The following DMD variants were observed in gnomAD, a reference collection of about 807,000 sequenced individuals.
DMD encodes dystrophin, also known as mutant dystrophin.
A neutral mutation model predicts 330.1 loss-of-function variants in DMD; 63 were observed. That is an observed-to-expected ratio of 0.19 (90% CI 0.16 to 0.24). The LOEUF (loss-of-function observed/expected upper bound fraction) is 0.24, where lower values mean the gene tolerates loss of function less well. Among genes scored for constraint, DMD ranks in the 10% least tolerant of loss-of-function variants. DMD has a pLI of 1.00. For missense variants in DMD, 3,344 were observed against 2,684.1 expected (o/e 1.25, Z -5.43); for synonymous variants, 1,223 against 959.8 (o/e 1.27, Z -5.07).
chrX:31,427,689 G>A (rs2063791519), intron 60 of DMD, among the ~76,000 whole-genome samples: 1 of 111,749 alleles, frequency 8.9e-6, no homozygotes, highest in African/African-American at 3.3e-5. Context: ...ATCCCAGCTT[G>A]AGTGGTAGAG....
At chrX:31,677,936 G>A (rs1469859554) in intron 53 of DMD, among the ~76,000 whole-genome samples, 1 of 111,919 alleles carries the variant, frequency 8.9e-6, no homozygotes, top group Non-Finnish European at 1.9e-5. Context: ...TTCCAGGCCT[G>A]GCCATAAAAC....
At chrX:32,546,930 C>A (rs973429558) in intron 16 of DMD, among the ~76,000 whole-genome samples, 3 of 111,708 alleles carry the variant, frequency 2.7e-5, no homozygotes, top group African/African-American at 9.7e-5. Flanking sequence ...TATTTCTAGT[C>A]AAAAAGAAAA....
chrX:32,903,802 G>A (rs1047390597), intron 2 of DMD, among the ~76,000 whole-genome samples: 26 of 111,620 alleles, frequency 2.3e-4, no homozygotes, highest in East Asian at 1.7e-3. Context: ...GTGAAGCCAG[G>A]TAGTAAGGAT....
chrX:32,565,243 TAAA>T (rs1417069450), intron 16 of DMD, among the ~76,000 whole-genome samples: 1 of 111,675 alleles, frequency 9.0e-6, no homozygotes, highest in South Asian at 3.7e-4. Flanking sequence ...ACTACACTAA[TAAA>T]AAACTTTCCA....
At chrX:32,390,999 T>G (rs2097998048) in intron 30 of DMD, among the ~76,000 whole-genome samples, 1 of 112,141 alleles carries the variant, frequency 8.9e-6, no homozygotes, top group Non-Finnish European at 1.9e-5. Context: ...ATTTCAATAT[T>G]TATATATTCA....
intron 47 of DMD, among the ~76,000 whole-genome samples, chrX:31,900,931 T>C (rs1346760335): frequency 9.0e-6 from 1 of 111,653 alleles, no homozygotes; most frequent in Non-Finnish European, 1.9e-5. Context: ...TTCTTAAAAA[T>C]GAGTCCCTCC....
At chrX:31,861,687 C>T (rs1416764423) in intron 48 of DMD, among the ~76,000 whole-genome samples, 1 of 97,872 alleles carries the variant, frequency 1.0e-5, no homozygotes, top group Non-Finnish European at 2.0e-5. Flanking sequence ...CACACACACA[C>T]ACAGCATTTT....
intron 47 of DMD, among the ~76,000 whole-genome samples, chrX:31,892,176 T>C (rs1305165353): frequency 8.9e-6 from 1 of 112,580 alleles, no homozygotes; most frequent in African/African-American, 3.2e-5. Flanking sequence ...CATTATTTGA[T>C]ATCTTTTAAT....
intron 41 of DMD, among the ~76,000 whole-genome samples, chrX:32,315,608 C>A: frequency 9.0e-6 from 1 of 111,007 alleles, no homozygotes; most frequent in East Asian, 2.9e-4. Flanking sequence ...GACCAGAATT[C>A]TGTGTCTCAG....
intron 12 of DMD, among the ~76,000 whole-genome samples, chrX:32,607,045 G>A (rs186195075): frequency 8.0e-4 from 88 of 109,374 alleles, no homozygotes; most frequent in African/African-American, 2.5e-3. Context: ...TATAGTGTTC[G>A]CTATTCAGAT....
In DMD at chrX:31,507,349, C is replaced by T. The variant is rs72466575; in HGVS notation, c.8322G>A (p.Leu2774=). 140 of 1,209,900 alleles carry T rather than the reference C, an allele frequency of 1.2e-4. No homozygotes were observed. Among genetic ancestry groups the T allele is most frequent in the Non-Finnish European group, 1.5e-4 (131 of 895,130 alleles). The change falls in exon 56 of 79, where the codon CTG becomes CTA. Residue 2774 remains leucine, a synonymous_variant. Transcript: ENST00000357033. ...TCATGTTATCCAAACGTCTTTGTAA[C>T]AGGACTGCATCATCGGAACCTTCCA... ...RSLEGSDDAV[L]LQRRLDNMNF...
Position 32,809,496 on chromosome X carries a change from C to G in DMD, c.646G>C (p.Glu216Gln). ...GGTAGTCCAGAAATTTACCAACCTTCAGGATCGAGTAGTTTCTCTATGCCT... is the reference window on the plus strand; with the variant it reads ...GGTAGTCCAGAAATTTACCAACCTTGAGGATCGAGTAGTTTCTCTATGCCT... ...QLGIEKLLDPEDVDTTYPDKK... is the reference protein window; with the variant it reads ...QLGIEKLLDPQDVDTTYPDKK... The change falls in exon 7 of 79, where the codon GAA (glutamate) becomes CAA (glutamine). Residue 216 changes from glutamate to glutamine, a missense_variant. Coordinates refer to ENST00000357033, the MANE Select transcript of DMD (RefSeq NM_004006.3). The G allele has an allele frequency of 8.3e-7, 1 of 1,207,122 alleles. No homozygotes were observed. Among genetic ancestry groups the G allele is most frequent in the Non-Finnish European group, 1.1e-6 (1 of 891,513 alleles).
chrX:33,155,228 C>T (rs2048448076), intron 1 of DMD, among the ~76,000 whole-genome samples: 1 of 111,254 alleles, frequency 9.0e-6, no homozygotes, highest in African/African-American at 3.3e-5. Flanking sequence ...TGGTGTTTTC[C>T]TTCCCCTTCA....
At chrX:32,941,986 C>A (rs2090451031) in intron 2 of DMD, among the ~76,000 whole-genome samples, 1 of 111,923 alleles carries the variant, frequency 8.9e-6, no homozygotes, top group Non-Finnish European at 1.9e-5. Flanking sequence ...ACAAACAAAA[C>A]CGCAAACTAC....
chrX:33,270,960 A>C (rs748376902), intron 1 of DMD, among the ~76,000 whole-genome samples: 6 of 111,689 alleles, frequency 5.4e-5, no homozygotes, highest in South Asian at 3.7e-4. Flanking sequence ...CTAAAGAAAA[A>C]AGACTTTTGT....
chrX:33,329,548 T>C (rs2054139524), intron 1 of DMD, among the ~76,000 whole-genome samples: 3 of 112,095 alleles, frequency 2.7e-5, no homozygotes, highest in Admixed American at 1.9e-4. Flanking sequence ...TTATAGGACA[T>C]TTATATGATG....
intron 9 of DMD, among the ~76,000 whole-genome samples, chrX:32,664,205 G>T (rs1334781317): frequency 1.8e-5 from 2 of 108,301 alleles, no homozygotes; most frequent in Non-Finnish European, 3.8e-5. Context: ...TCAGATTCTG[G>T]ATATATACCT....
chrX:32,451,073 G>C (rs2098328106), intron 26 of DMD, among the ~76,000 whole-genome samples: 3 of 110,858 alleles, frequency 2.7e-5, no homozygotes, highest in Non-Finnish European at 5.7e-5. Context: ...GATATGCTCT[G>C]CCATCTTTCA....
chrX:31,390,517 C>T (rs1013171813), intron 60 of DMD, among the ~76,000 whole-genome samples: 1 of 110,937 alleles, frequency 9.0e-6, no homozygotes, highest in African/African-American at 3.3e-5. Flanking sequence ...CTGCTTCCTC[C>T]TCCATCTTTA....
Sources: allele counts gnomAD v4.1 joint callset (sites outside exome capture counted in the v4.1 genomes callset), GRCh38; gene constraint gnomAD v4.1.1; transcripts MANE v1.5; gene names NCBI Gene and HGNC (gene_info 2026-07-23, HGNC 2026-07-21).